Variants in GKAP1 observed in about 807,000 individuals in gnomAD.
GKAP1 encodes the protein G kinase-anchoring protein 1.
A neutral mutation model predicts 56.7 loss-of-function variants in GKAP1; 31 were observed. The observed-to-expected ratio is 0.55, with a 90% CI of 0.41 to 0.74. The LOEUF (loss-of-function observed/expected upper bound fraction) is 0.74. GKAP1 is among the 30% of genes least tolerant of loss of function. The probability of loss-of-function intolerance (pLI) is 0.00; values close to 1 mark genes in which losing one functional copy is unlikely to be tolerated. For synonymous variants in GKAP1, 151 were observed against 138.6 expected (o/e 1.09, Z -0.63); for missense variants, 364 against 402.3 (o/e 0.90, Z 0.82).
At chr9:83,753,443 G>C (rs1943426471) in intron 8 of GKAP1, 84 bp from the exon 9 acceptor site, 1 of 912,274 alleles carries the variant, frequency 1.1e-6, no homozygotes, top group Non-Finnish European at 1.7e-6. Flanking sequence ...AAGTTTAAGA[G>C]GAAAAATTCT....
At chr9:83,816,228 G>C (rs1944591798) in intron 2 of GKAP1, among the ~76,000 whole-genome samples, 1 of 151,940 alleles carries the variant, frequency 6.6e-6, no homozygotes, top group Non-Finnish European at 1.5e-5. Context: ...CAGCAAGTGT[G>C]AAGTGCATAC....
intron 7 of GKAP1, among the ~76,000 whole-genome samples, chr9:83,777,184 C>A (rs569571803): frequency 6.6e-6 from 1 of 152,304 alleles, no homozygotes; most frequent in East Asian, 1.9e-4. Flanking sequence ...GGGTACTCCT[C>A]CAATGATAGT....
intron 8 of GKAP1, among the ~76,000 whole-genome samples, chr9:83,765,743 C>G (rs769034642): frequency 1.3e-5 from 2 of 152,190 alleles, no homozygotes; most frequent in Non-Finnish European, 2.9e-5. Context: ...TGTAGCCCCT[C>G]TGTTTTGGCC....
intron 9 of GKAP1, among the ~76,000 whole-genome samples, chr9:83,751,583 A>G (rs1002384574): frequency 6.6e-6 from 1 of 152,188 alleles, no homozygotes; most frequent in Non-Finnish European, 1.5e-5. Flanking sequence ...GTAGAAGAAG[A>G]AGGGAAATGT....
intron 10 of GKAP1, among the ~76,000 whole-genome samples, chr9:83,743,861 A>G (rs992275637): frequency 6.6e-6 from 1 of 152,076 alleles, no homozygotes; most frequent in Non-Finnish European, 1.5e-5. Context: ...AGCTTCAGAA[A>G]TTTTCACATG....
chr9:83,776,143 T>C (rs1280110389), intron 7 of GKAP1, among the ~76,000 whole-genome samples: 1 of 152,150 alleles, frequency 6.6e-6, no homozygotes, highest in Non-Finnish European at 1.5e-5. Context: ...ATGATGTGGT[T>C]ACATTAACCA....
At chr9:83,741,278 A>AT (rs995125723) in intron 12 of GKAP1, among the ~76,000 whole-genome samples, 35 of 151,878 alleles carry the variant, frequency 2.3e-4, no homozygotes, top group Non-Finnish European at 1.3e-4. Context: ...GGCTTTTGAG[A>AT]TTTTTTGGCT....
At chr9:83,759,849 A>G (rs1314743190) in intron 8 of GKAP1, among the ~76,000 whole-genome samples, 1 of 152,180 alleles carries the variant, frequency 6.6e-6, no homozygotes, top group East Asian at 1.9e-4. Flanking sequence ...TATTACTGTA[A>G]TAAACTTTGC....
chr9:83,756,140 G>C (rs1312771162), intron 8 of GKAP1, among the ~76,000 whole-genome samples: 2 of 151,632 alleles, frequency 1.3e-5, no homozygotes, highest in African/African-American at 4.8e-5. Flanking sequence ...TTTTCTTAGT[G>C]TGATTAGAGG....
rs376114510 is a variant in GKAP1, at chr9:83,815,258, A to C, written c.-44+1738T>G. Among the ~76,000 whole-genome samples, 39 of 152,112 alleles carry C rather than the reference A, an allele frequency of 2.6e-4. No homozygotes were observed. The East Asian group carries it at 7.0e-3, about 27-fold the overall frequency. On this transcript the variant is annotated intron_variant, in intron 2 of 12. Transcript: ENST00000376371. ...ACTGCTTCTAAAAATGAATAGCCTA[A>C]GCTACAAGCAGGAGAATTTTTTTTT...
At chr9:83,779,866 G>A (rs939658661) in intron 7 of GKAP1, among the ~76,000 whole-genome samples, 1 of 151,498 alleles carries the variant, frequency 6.6e-6, no homozygotes, top group African/African-American at 2.4e-5. Context: ...TTAAATAACA[G>A]AAACAAAAAA....
intron 12 of GKAP1, among the ~76,000 whole-genome samples, chr9:83,740,164 G>T (rs559540089): frequency 6.6e-6 from 1 of 152,136 alleles, no homozygotes; most frequent in Non-Finnish European, 1.5e-5. Flanking sequence ...GTTCTGTTGC[G>T]TTTTGCTCAC....
At chr9:83,799,409 A>G (rs1352330721) in intron 3 of GKAP1, 81 bp from the exon 4 acceptor site, 3 of 1,042,588 alleles carry the variant, frequency 2.9e-6, no homozygotes, top group African/African-American at 3.4e-5. Flanking sequence ...AAAAAAAACC[A>G]ATGATATTTT....
chr9:83,772,937 G>A (rs1037120617), intron 7 of GKAP1, among the ~76,000 whole-genome samples: 3 of 152,160 alleles, frequency 2.0e-5, no homozygotes, highest in African/African-American at 7.2e-5. Flanking sequence ...ATCAAGCGTT[G>A]GCAAGGATGC....
At chr9:83,805,911 G>A (rs1222062762) in intron 3 of GKAP1, among the ~76,000 whole-genome samples, 1 of 152,156 alleles carries the variant, frequency 6.6e-6, no homozygotes, top group Non-Finnish European at 1.5e-5. Context: ...GAGCCCAGGT[G>A]TTCAAGACCA....
At chr9:83,743,944 GGA>G (rs1281769105) in intron 10 of GKAP1, among the ~76,000 whole-genome samples, 1 of 152,080 alleles carries the variant, frequency 6.6e-6, no homozygotes, top group Non-Finnish European at 1.5e-5. Context: ...AAACAAACTA[GGA>G]GAGACTAGAG....
chr9:83,779,446 T>TACACACACACACACACACACAC (rs1451197767), intron 7 of GKAP1, among the ~76,000 whole-genome samples: 24 of 118,026 alleles, frequency 2.0e-4, no homozygotes, highest in Admixed American at 1.2e-3. Context: ...TATATATATA[T>TACACACACACACACACACACAC]ATACACACAC....
intron 2 of GKAP1, among the ~76,000 whole-genome samples, chr9:83,816,153 C>T (rs1458098180): frequency 1.3e-5 from 2 of 151,524 alleles, no homozygotes; most frequent in Non-Finnish European, 2.9e-5. Context: ...CGCGCCATTA[C>T]ACTCCAGCCT....
intron 10 of GKAP1, among the ~76,000 whole-genome samples, chr9:83,746,484 C>T (rs946329653): frequency 6.6e-6 from 1 of 152,000 alleles, no homozygotes; most frequent in African/African-American, 2.4e-5. Flanking sequence ...GGGTGGATCA[C>T]GAGGTCAGGA....
Sources: gnomAD v4.1 joint callset for allele counts (sites outside exome capture counted in the v4.1 genomes callset) on GRCh38, gnomAD v4.1.1 for gene constraint, MANE v1.5 for transcripts, NCBI Gene and HGNC (gene_info 2026-07-23, HGNC 2026-07-21) for gene names.